ITGA1: variants seen among roughly 807,000 people sequenced by gnomAD.
ITGA1 encodes integrin alpha-1.
Under a neutral mutation model 145.9 loss-of-function variants are expected in ITGA1, and 85 were observed. That is an observed-to-expected ratio of 0.58 (90% CI 0.49 to 0.70). The LOEUF is 0.70. Among genes scored for constraint, ITGA1 ranks in the 30% least tolerant of loss-of-function variants. ITGA1 has a pLI of 0.00. For missense variants in ITGA1, 1,351 were observed against 1,418.7 expected (o/e 0.95, Z 0.77); for synonymous variants, 520 against 495.3 (o/e 1.05, Z -0.66).
intron 6 of ITGA1, among the ~76,000 whole-genome samples, chr5:52,876,265 A>G (rs1265592738): frequency 6.6e-6 from 1 of 151,716 alleles, no homozygotes; most frequent in African/African-American, 2.4e-5. Context: ...ATCTCTGTTG[A>G]ATTGAATCTC....
At chr5:52,909,135 A>G (rs1202852208) in intron 13 of ITGA1, 94 bp downstream of exon 13, 1 of 1,311,538 alleles carries the variant, frequency 7.6e-7, no homozygotes, top group African/African-American at 1.5e-5. Flanking sequence ...CACTTTGAAA[A>G]AACAGAGCAA....
chr5:52,939,293 A>G (rs1751017925), intron 24 of ITGA1, among the ~76,000 whole-genome samples: 2 of 121,294 alleles, frequency 1.6e-5, no homozygotes, highest in South Asian at 5.4e-4. Context: ...GGTAATAATG[A>G]ATGTATTAAT....
intron 1 of ITGA1, among the ~76,000 whole-genome samples, chr5:52,814,922 A>G (rs1040519838): frequency 1.3e-5 from 2 of 152,126 alleles, no homozygotes; most frequent in African/African-American, 4.8e-5. Context: ...TCCTGGGGTT[A>G]CCTCAGGCCA....
intron 26 of ITGA1, among the ~76,000 whole-genome samples, chr5:52,944,721 C>A (rs760744611): frequency 2.6e-5 from 4 of 151,850 alleles, no homozygotes; most frequent in Non-Finnish European, 4.4e-5. Flanking sequence ...AATTTTTTTT[C>A]ATTCCATAAC....
At chr5:52,904,577 G>A (rs780989881) in intron 11 of ITGA1, 2 of 152,152 alleles carry the variant, frequency 1.3e-5, no homozygotes, top group Non-Finnish European at 2.9e-5. Context: ...GGAGAGAACC[G>A]GGCACAATGG....
intron 6 of ITGA1, among the ~76,000 whole-genome samples, chr5:52,870,395 A>T (rs1749759998): frequency 6.6e-6 from 1 of 152,096 alleles, no homozygotes; most frequent in Non-Finnish European, 1.5e-5. Context: ...AGCTGGACAG[A>T]GAACTTTTAG....
At chr5:52,795,673 C>G (rs961609043) in intron 1 of ITGA1, among the ~76,000 whole-genome samples, 1 of 151,834 alleles carries the variant, frequency 6.6e-6, no homozygotes, top group East Asian at 1.9e-4. Context: ...TAATTATGAT[C>G]ATGTTAAAAT....
At chr5:52,819,705 G>A (rs150478271) in intron 1 of ITGA1, among the ~76,000 whole-genome samples, 19,864 of 152,144 alleles carry the variant, frequency 0.13, 1,346 homozygotes, top group Middle Eastern at 0.24. Context: ...CGGTGTTTTA[G>A]ACATGAAGTC....
chr5:52,821,664 G>T (rs921699567), intron 1 of ITGA1, among the ~76,000 whole-genome samples: 1 of 152,082 alleles, frequency 6.6e-6, no homozygotes, highest in African/African-American at 2.4e-5. Context: ...GCCTAGTTTT[G>T]CTGTGTGTGA....
Position 52,957,997 on chromosome 5 carries a change from A to G in ITGA1, c.*5546A>G, listed in dbSNP as rs1751326796. On this transcript the variant is annotated 3_prime_UTR_variant, in exon 29 of 29. Coordinates refer to ENST00000282588, the MANE Select transcript of ITGA1 (RefSeq NM_181501.2). ...AAAATTTTAAAAACAAATCTTCCAA[A>G]TGACACCACAATGAAAGCCAGTTGT... The G allele has an allele frequency of 6.6e-6, 1 of 152,198 alleles. No homozygotes were observed. Among genetic ancestry groups the G allele is most frequent in the South Asian group, 2.1e-4 (1 of 4,820 alleles). 9.4% of individuals were successfully genotyped at this position (152,198 alleles called of 1,614,324 possible).
chr5:52,888,977 A>G (rs1338018120), intron 8 of ITGA1, among the ~76,000 whole-genome samples: 2 of 152,218 alleles, frequency 1.3e-5, no homozygotes, highest in Non-Finnish European at 2.9e-5. Flanking sequence ...AGAATTGAGA[A>G]TAAATCTGCC....
intron 1 of ITGA1, among the ~76,000 whole-genome samples, chr5:52,848,479 C>A (rs1431441618): frequency 6.6e-6 from 1 of 152,004 alleles, no homozygotes; most frequent in Non-Finnish European, 1.5e-5. Flanking sequence ...AACCTCAGCT[C>A]TAGGAATGGT....
intron 1 of ITGA1, among the ~76,000 whole-genome samples, chr5:52,792,473 A>C (rs970247667): frequency 6.6e-6 from 1 of 152,176 alleles, no homozygotes; most frequent in Non-Finnish European, 1.5e-5. Flanking sequence ...TATATATGCT[A>C]TACTAGTTTA....
chr5:52,879,788 G>C (rs1367654027), intron 6 of ITGA1, among the ~76,000 whole-genome samples: 1 of 152,024 alleles, frequency 6.6e-6, no homozygotes, highest in Non-Finnish European at 1.5e-5. Context: ...AAGGATATTG[G>C]GTGAAAGATA....
At chr5:52,931,777 G>T in intron 21 of ITGA1, 1 of 258,214 alleles carries the variant, frequency 3.9e-6, no homozygotes, top group Non-Finnish European at 7.3e-6. Context: ...TAAACTGAGG[G>T]ATTCTTATCA....
intron 27 of ITGA1, 46 bp from the exon 28 acceptor site, chr5:52,947,299 C>A: frequency 8.8e-7 from 1 of 1,137,830 alleles, no homozygotes; most frequent in South Asian, 1.2e-5. Flanking sequence ...TCCAGGAGTT[C>A]TAATAGGTGT....
intron 19 of ITGA1, among the ~76,000 whole-genome samples, chr5:52,927,001 T>A (rs1459346486): frequency 6.6e-6 from 1 of 152,210 alleles, no homozygotes; most frequent in Non-Finnish European, 1.5e-5. Context: ...TACGTGGCAG[T>A]GTTATTTTTA....
At position 52,807,871 on chromosome 5, in the gene ITGA1, C is replaced by A. The variant is rs530337066; in HGVS notation, c.61+19457C>A. 7.2e-5 allele frequency among the ~76,000 whole-genome samples: 11 copies of A among 152,140 alleles called. 1 individual carries two copies. Among genetic ancestry groups the A allele is most frequent in the African/African-American group, 2.7e-4 (11 of 41,464 alleles). ...CCTACAATTAAGTCATGCACTATTACAATAAACTTTTTTTTAATGACTCAC... is the reference window on the plus strand; with the variant it reads ...CCTACAATTAAGTCATGCACTATTAAAATAAACTTTTTTTTAATGACTCAC... On this transcript the variant is annotated intron_variant, in intron 1 of 28. Transcript: ENST00000282588.
chr5:52,879,385 A>G (rs886207259), intron 6 of ITGA1, among the ~76,000 whole-genome samples: 1 of 152,196 alleles, frequency 6.6e-6, no homozygotes, highest in Non-Finnish European at 1.5e-5. Flanking sequence ...AACTTCCACA[A>G]CAGTGTTTGT....
Sources: gnomAD v4.1 joint callset for allele counts (sites outside exome capture counted in the v4.1 genomes callset) on GRCh38, gnomAD v4.1.1 for gene constraint, MANE v1.5 for transcripts, NCBI Gene and HGNC (gene_info 2026-07-23, HGNC 2026-07-21) for gene names.